TXNDC8: variants seen among roughly 807,000 people sequenced by gnomAD.
The protein encoded by TXNDC8 is thioredoxin domain containing 8, also known as thioredoxin domain-containing protein 8.
Under a neutral mutation model 12.9 loss-of-function variants are expected in TXNDC8, and 15 were observed. The ratio of observed to expected loss-of-function variants is 1.16; its 90% confidence interval spans 0.78 to 1.79. TXNDC8 has a LOEUF of 1.79. Ranked by LOEUF, TXNDC8 falls within the 40% of genes most tolerant of loss-of-function variation. TXNDC8 has a pLI of 0.00. For synonymous variants in TXNDC8, 40 were observed against 35.4 expected (o/e 1.13, Z -0.46); for missense variants, 128 against 113.2 (o/e 1.13, Z -0.59).
At chr9:110,302,573 A>G (rs1289891109), downstream of TXNDC8, among the ~76,000 whole-genome samples, 1 of 150,872 alleles carries the variant, frequency 6.6e-6, no homozygotes, top group Non-Finnish European at 1.5e-5. Context: ...CAGCATAGAC[A>G]CAATTAGTAC....
At chr9:110,336,204 T>G (rs1725614516) in intron 1 of TXNDC8, among the ~76,000 whole-genome samples, 1 of 152,246 alleles carries the variant, frequency 6.6e-6, no homozygotes, top group African/African-American at 2.4e-5. Context: ...GTATTGGGCA[T>G]TTCTTCATAG....
intron 3 of TXNDC8, among the ~76,000 whole-genome samples, chr9:110,306,381 CAGTCTTGTGCCACTT>C (rs1197513416): frequency 6.6e-6 from 1 of 152,194 alleles, no homozygotes. Context: ...TTTCGGTCTC[CAGTCTTGTGCCACTT>C]AGGTCCTTTC....
intron 3 of TXNDC8, among the ~76,000 whole-genome samples, chr9:110,322,190 T>A (rs1232844458): frequency 6.6e-6 from 1 of 152,172 alleles, no homozygotes; most frequent in Non-Finnish European, 1.5e-5. Flanking sequence ...TCAAGTTTTT[T>A]TTTTTTTAAA....
At chr9:110,310,413 G>C (rs1439195784) in intron 3 of TXNDC8, among the ~76,000 whole-genome samples, 2 of 152,136 alleles carry the variant, frequency 1.3e-5, no homozygotes, top group Non-Finnish European at 2.9e-5. Context: ...GCTGACAACT[G>C]TCTAGGGTAG....
At chr9:110,324,841 G>A (rs941164759) in intron 3 of TXNDC8, among the ~76,000 whole-genome samples, 2 of 152,212 alleles carry the variant, frequency 1.3e-5, no homozygotes, top group South Asian at 2.1e-4. Context: ...ACCAAGTGCG[G>A]TGGCACATGC....
rs552213224 is a variant in TXNDC8, at chr9:110,326,031, A to G, written c.195+144T>C. 6.3e-6 allele frequency: 5 copies of G among 792,554 alleles called. No homozygotes were observed. The African/African-American group carries it at 8.6e-5, about 14-fold the overall frequency. 49.1% of individuals were successfully genotyped at this position (792,554 alleles called of 1,614,324 possible). A position where few individuals can be genotyped will look rare whatever the true frequency, so the allele number is the denominator to read the frequency against. ...GTAAAGTTGTTGTATGTAAAGTACA[A>G]CATACTTGTATGTAGAGAATTATAT... On this transcript the variant is annotated intron_variant, in intron 3 of 4. Transcript: ENST00000423740.
At chr9:110,319,232 G>A (rs1424716759) in intron 3 of TXNDC8, among the ~76,000 whole-genome samples, 2 of 152,158 alleles carry the variant, frequency 1.3e-5, no homozygotes, top group Non-Finnish European at 2.9e-5. Context: ...TCCTTGACAG[G>A]TTAAATATTA....
chr9:110,310,913 A>G (rs1026966899), intron 3 of TXNDC8, among the ~76,000 whole-genome samples: 8 of 152,256 alleles, frequency 5.3e-5, no homozygotes, highest in African/African-American at 1.7e-4. Flanking sequence ...AGACATTGAT[A>G]TTGGTTTAAT....
intron 2 of TXNDC8, among the ~76,000 whole-genome samples, chr9:110,331,939 A>G (rs1839563086): frequency 6.6e-6 from 1 of 152,154 alleles, no homozygotes; most frequent in South Asian, 2.1e-4. Flanking sequence ...GATCTAGGGT[A>G]AGTAAAGTCT....
intron 3 of TXNDC8, among the ~76,000 whole-genome samples, chr9:110,307,408 C>A (rs182439002): frequency 2.0e-5 from 3 of 152,110 alleles, no homozygotes; most frequent in Non-Finnish European, 4.4e-5. Context: ...TTCGTGTCTT[C>A]CTATCCAGCA....
chr9:110,327,032 A>G (rs1839352042), intron 2 of TXNDC8, among the ~76,000 whole-genome samples: 1 of 152,162 alleles, frequency 6.6e-6, no homozygotes, highest in Admixed American at 6.6e-5. Context: ...CAACTGATAC[A>G]TAAATTACTA....
intron 3 of TXNDC8, among the ~76,000 whole-genome samples, chr9:110,306,512 C>T (rs575187466): frequency 3.9e-5 from 6 of 152,116 alleles, no homozygotes; most frequent in Admixed American, 2.6e-4. Context: ...CCAAGGTCTC[C>T]GTAATTTTGT....
At chr9:110,326,095 C>A in intron 3 of TXNDC8, 80 bp downstream of exon 4, 2 of 1,419,898 alleles carry the variant, frequency 1.4e-6, no homozygotes, top group South Asian at 2.4e-5. Flanking sequence ...TTTCATCCAC[C>A]CAGGACAGCC....
chr9:110,305,667 T>C (rs1838429414), intron 3 of TXNDC8, among the ~76,000 whole-genome samples: 1 of 149,680 alleles, frequency 6.7e-6, no homozygotes, highest in East Asian at 1.9e-4. Context: ...TTTCTTTCTT[T>C]CTCTTTCTTA....
At position 110,337,829 on chromosome 9, in the gene TXNDC8, C is replaced by T. The variant is rs1588001046; in HGVS notation, c.-33G>A. ...CCAGGGAAGTGCTGATGAAAATCCC[C>T]TGTTGGTTTAGTTGGATCACTGTAG... is the stretch of plus-strand genomic sequence containing the variant. On this transcript the variant is annotated 5_prime_UTR_variant, in exon 1 of 5. Coordinates refer to ENST00000423740, the MANE Select transcript of TXNDC8 (RefSeq NM_001286946.2). 1.2e-6 allele frequency: 2 copies of T among 1,612,126 alleles called. No homozygotes were observed. Among genetic ancestry groups the T allele is most frequent in the Non-Finnish European group, 8.5e-7 (1 of 1,178,596 alleles).
chr9:110,335,082 A>G (rs1050706658), intron 1 of TXNDC8, among the ~76,000 whole-genome samples: 5 of 152,120 alleles, frequency 3.3e-5, no homozygotes, highest in Non-Finnish European at 7.3e-5. Context: ...CTGGTCCTAC[A>G]CTAGTTATTT....
chr9:110,337,806 A>G lies in TXNDC8; in HGVS notation c.-10T>C, dbSNP rs769717875. On this transcript the variant is annotated 5_prime_UTR_variant, in exon 1 of 5. Coordinates refer to ENST00000423740, the MANE Select transcript of TXNDC8 (RefSeq NM_001286946.2). ...TAATAATCTGTACCATGATTACACC[A>G]GGGAAGTGCTGATGAAAATCCCCTG... 6.2e-7 allele frequency: 1 copy of G among 1,613,792 alleles called. No homozygotes were observed.
At chr9:110,304,606 T>G in intron 3 of TXNDC8, 74 bp from the exon 5 acceptor site, 1 of 1,393,382 alleles carries the variant, frequency 7.2e-7, no homozygotes, top group Non-Finnish European at 9.8e-7. Context: ...TAACTGGTTC[T>G]TTTGGCCTTG....
intron 3 of TXNDC8, chr9:110,323,224 A>G: frequency 1.0e-6 from 1 of 985,480 alleles, no homozygotes; most frequent in Non-Finnish European, 1.2e-6. Flanking sequence ...AGTAGGAATG[A>G]CATTGCTAAA....
Sources: gnomAD v4.1 joint callset for allele counts (sites outside exome capture counted in the v4.1 genomes callset) on GRCh38, gnomAD v4.1.1 for gene constraint, MANE v1.5 for transcripts, NCBI Gene and HGNC (gene_info 2026-07-23, HGNC 2026-07-21) for gene names.